The following SPATA22 variants were observed in gnomAD, a reference collection of about 807,000 sequenced individuals.
SPATA22 encodes spermatogenesis-associated protein 22.
Under a neutral mutation model 47.8 loss-of-function variants are expected in SPATA22, and 29 were observed. The ratio of observed to expected loss-of-function variants is 0.61; its 90% CI spans 0.45 to 0.83. The LOEUF (loss-of-function observed/expected upper bound fraction) is 0.83, where lower values mean the gene tolerates loss of function less well. Among genes scored for constraint, SPATA22 ranks in the 40% least tolerant of loss-of-function variants. The pLI is 0.00. For synonymous variants in SPATA22, 133 were observed against 140.9 expected, an observed-to-expected ratio of 0.94 and a Z score of 0.40; for missense variants, 410 against 421.7, an observed-to-expected ratio of 0.97 and a Z score of 0.24.
Position 3,499,004 on chromosome 17 carries a change from C to T in SPATA22, c.-74+14408G>A, listed in dbSNP as rs138062143. On this transcript the variant is annotated intron_variant, in intron 1 of 8. Transcript: ENST00000541913. ...TGTACCCCGTGTTTGTGAATGAGGC[C>T]GCATATTACGAAAAGAAAGAAGCTT... is the stretch of plus-strand genomic sequence containing the variant. The T allele has an allele frequency of 2.8e-5, 45 of 1,614,082 alleles. No individual in the cohort carries two copies. The Middle Eastern group carries it at 6.6e-4, about 24-fold the overall frequency.
chr17:3,447,836 A>G (rs537236246), intron 6 of SPATA22, among the ~76,000 whole-genome samples: 2 of 152,250 alleles, frequency 1.3e-5, no homozygotes, highest in East Asian at 1.9e-4. Context: ...CTCCCACCCT[A>G]TGATGTCGTA....
intron 7 of SPATA22, 55 bp from the exon 8 acceptor site, chr17:3,443,326 T>C: frequency 7.8e-7 from 1 of 1,282,932 alleles, no homozygotes; most frequent in Non-Finnish European, 1.1e-6. Flanking sequence ...GCAAATAAAA[T>C]TTAACAAAGA....
chr17:3,498,192 C>T (rs2073939185), intron 1 of SPATA22, among the ~76,000 whole-genome samples: 1 of 152,066 alleles, frequency 6.6e-6, no homozygotes, highest in African/African-American at 2.4e-5. Context: ...ACAGAAGACT[C>T]CTAATGGATA....
chr17:3,466,964 A>G (rs996926268), intron 3 of SPATA22, among the ~76,000 whole-genome samples: 6 of 152,228 alleles, frequency 3.9e-5, no homozygotes, highest in African/African-American at 1.4e-4. Context: ...AATGCCATAA[A>G]AAGAGAAAAA....
At chr17:3,470,696 A>G (rs1426030913) in intron 1 of SPATA22, among the ~76,000 whole-genome samples, 2 of 151,034 alleles carry the variant, frequency 1.3e-5, no homozygotes, top group African/African-American at 2.4e-5. Flanking sequence ...GGTTGCAGTG[A>G]GCGGAGATCG....
At chr17:3,462,889 G>T in intron 3 of SPATA22, 122 bp from the exon 4 acceptor site, 1 of 742,186 alleles carries the variant, frequency 1.3e-6, no homozygotes. Context: ...TGAATATATG[G>T]ATTTCTTCAA....
In SPATA22 at chr17:3,490,220, G is replaced by T. The variant is rs1024240260; in HGVS notation, c.-73-20822C>A. On this transcript the variant is annotated intron_variant, in intron 1 of 8. Transcript: ENST00000541913. This position sits in a 1 kb window ranked among gnomAD's most constrained non-coding sequence, Gnocchi z 4.6. Reference sequence around the variant, plus strand: ...ATTTTGTCTTAATTATATTCAATAAGAATAATGTATTTATGTATTATTTCT... The same window carrying T: ...ATTTTGTCTTAATTATATTCAATAATAATAATGTATTTATGTATTATTTCT... 1.3e-5 allele frequency among the ~76,000 whole-genome samples: 2 copies of T among 152,118 alleles called. No individual in the cohort carries two copies. The highest frequency in any genetic ancestry group is 4.8e-5 in the African/African-American group (2 of 41,436).
chr17:3,463,873 T>G (rs1182445326), intron 3 of SPATA22, among the ~76,000 whole-genome samples: 1 of 151,118 alleles, frequency 6.6e-6, no homozygotes, highest in Non-Finnish European at 1.5e-5. Context: ...TCAGACTGAT[T>G]AATGGATCAA....
chr17:3,496,033 T>C (rs2073902516), intron 1 of SPATA22, among the ~76,000 whole-genome samples: 2 of 152,158 alleles, frequency 1.3e-5, no homozygotes, highest in African/African-American at 4.8e-5. Context: ...AGTACAAAAA[T>C]AATCCCAGGC....
chr17:3,466,483 G>A (rs1597409903), intron 3 of SPATA22, among the ~76,000 whole-genome samples: 2 of 152,098 alleles, frequency 1.3e-5, no homozygotes, highest in African/African-American at 4.8e-5. Context: ...TGAATCACAA[G>A]CTGTCTCTAG....
At chr17:3,499,193 T>G in intron 1 of SPATA22, 1 of 1,219,680 alleles carries the variant, frequency 8.2e-7, no homozygotes, top group Non-Finnish European at 1.2e-6. Flanking sequence ...ACATAGCTCC[T>G]AGCACAGTGC....
rs149559528 is a variant in SPATA22 at position 3,470,048 on chromosome 17, G to A, written c.-73-650C>T. On this transcript the variant is annotated intron_variant, in intron 1 of 8. Coordinates refer to ENST00000572969, the MANE Select transcript of SPATA22 (RefSeq NM_001170698.2). ...GCCGAGGTTGCAGTGAGCTGAGATC[G>A]TGCCACTGCACTCCAGCCTGGGCAA... Among the ~76,000 whole-genome samples the A allele has an allele frequency of 8.4e-3, 1,078 of 127,800 alleles. 4 individuals carry two copies. The highest frequency in any genetic ancestry group is 0.012 in the Non-Finnish European group (769 of 64,492). The allele number at this position is 127,800 out of a possible 152,430, so 83.8% of individuals were successfully genotyped here.
intron 2 of SPATA22, among the ~76,000 whole-genome samples, 156 bp downstream of exon 2, chr17:3,469,127 T>C (rs1383019199): frequency 6.6e-6 from 1 of 152,234 alleles, no homozygotes; most frequent in Non-Finnish European, 1.5e-5. Flanking sequence ...AAATGTTTTG[T>C]CTTGAGTAAG....
intron 1 of SPATA22, among the ~76,000 whole-genome samples, chr17:3,484,206 C>G (rs1345029056): frequency 6.6e-6 from 1 of 152,130 alleles, no homozygotes; most frequent in Non-Finnish European, 1.5e-5. Flanking sequence ...CTTTCCCTGA[C>G]CCTCCTCTAT....
At chr17:3,493,880 C>G (rs17222551) in intron 1 of SPATA22, among the ~76,000 whole-genome samples, 10,724 of 152,174 alleles carry the variant, frequency 0.07, 534 homozygotes, top group East Asian at 0.23. Flanking sequence ...GGACAGAGTG[C>G]TGATAGGAAT....
intron 1 of SPATA22, among the ~76,000 whole-genome samples, chr17:3,470,158 G>C (rs1294883181): frequency 6.8e-6 from 1 of 147,280 alleles, no homozygotes; most frequent in African/African-American, 2.5e-5. Context: ...GTAATGACAA[G>C]TTTCCACTCC....
intron 1 of SPATA22, among the ~76,000 whole-genome samples, chr17:3,497,028 T>C (rs1047996879): frequency 2.0e-5 from 3 of 152,314 alleles, no homozygotes; most frequent in African/African-American, 7.2e-5. Context: ...ATTGTGCCAC[T>C]GCACTCCAGC....
intron 5 of SPATA22, among the ~76,000 whole-genome samples, chr17:3,454,219 C>T (rs1360667070): frequency 6.7e-6 from 1 of 148,518 alleles, no homozygotes; most frequent in Non-Finnish European, 1.5e-5. Flanking sequence ...AAAAAAAAAA[C>T]CTGAAGACAA....
chr17:3,461,553 C>T (rs957722094), intron 5 of SPATA22, among the ~76,000 whole-genome samples: 2 of 152,180 alleles, frequency 1.3e-5, no homozygotes, highest in African/African-American at 4.8e-5. Context: ...AACCACTGAA[C>T]AGGCCTAGTT....
Sources: allele counts gnomAD v4.1 joint callset (sites outside exome capture counted in the v4.1 genomes callset), GRCh38; gene constraint gnomAD v4.1.1; non-coding constraint Gnocchi (gnomAD v3.1); transcripts MANE v1.5; gene names NCBI Gene and HGNC (gene_info 2026-07-23, HGNC 2026-07-21).